LCTL: variants seen among roughly 807,000 people sequenced by gnomAD.
LCTL encodes the protein lactase-like protein.
A neutral mutation model predicts 75.8 loss-of-function variants in LCTL; 76 were observed. The ratio of observed to expected loss-of-function variants is 1.00; its 90% CI spans 0.83 to 1.21. The LOEUF is 1.21. LCTL is among the 50% of genes most tolerant of loss of function. LCTL has a pLI of 0.00. For synonymous variants in LCTL, 271 were observed against 268.8 expected, an observed-to-expected ratio of 1.01 and a Z score of -0.08; for missense variants, 670 against 712.4, an observed-to-expected ratio of 0.94 and a Z score of 0.68.
At chr15:66,550,330 C>T (rs1348035) in intron 11 of LCTL, among the ~76,000 whole-genome samples, 2 of 152,230 alleles carry the variant, frequency 1.3e-5, no homozygotes, top group East Asian at 3.9e-4. Flanking sequence ...GGAGTGTACA[C>T]TCTAGTGCTT....
At chr15:66,564,886 C>T in intron 1 of LCTL, 47 bp from the exon 3 acceptor site, 4 of 1,576,618 alleles carry the variant, frequency 2.5e-6, no homozygotes, top group Middle Eastern at 1.7e-4. Context: ...CCATGTGTCA[C>T]CCAGAGCCAG....
intron 3 of LCTL, 124 bp from the exon 5 acceptor site, chr15:66,563,749 C>T (rs1895952460): frequency 1.2e-6 from 1 of 855,868 alleles, no homozygotes; most frequent in Admixed American, 2.2e-5. Context: ...AGCCCACCAG[C>T]ATTCTGGGAG....
intron 8 of LCTL, among the ~76,000 whole-genome samples, chr15:66,555,430 A>T (rs570990252): frequency 6.6e-6 from 1 of 152,088 alleles, no homozygotes; most frequent in African/African-American, 2.4e-5. Context: ...AATCCCAGGT[A>T]CTTGGGAGGC....
chr15:66,553,198 TCCTGGA>T, exon 9 of LCTL: 1 of 1,608,174 alleles, frequency 6.2e-7, no homozygotes, highest in Non-Finnish European at 8.5e-7. Context: ...GTAGCTCTTC[TCCTGGA>T]GTGAGAACAC....
chr15:66,552,879 GTTTAT>G, intron 9 of LCTL, 100 bp downstream of exon 10: 1 of 1,042,544 alleles, frequency 9.6e-7, no homozygotes, highest in South Asian at 2.7e-5. Flanking sequence ...GAGTAACTAG[GTTTAT>G]TTTGTTTTAT....
chr15:66,564,350 G>C (rs1016558254), intron 2 of LCTL: 1 of 471,558 alleles, frequency 2.1e-6, no homozygotes, highest in East Asian at 3.9e-5. Context: ...GCAGGGACCA[G>C]GGGTTCAGGC....
At chr15:66,554,046 C>G (rs577762882) in intron 8 of LCTL, among the ~76,000 whole-genome samples, 1 of 151,844 alleles carries the variant, frequency 6.6e-6, no homozygotes, top group Non-Finnish European at 1.5e-5. Flanking sequence ...AATTCCAGCA[C>G]TTTGGGAGGC....
At chr15:66,549,473 T>G in intron 12 of LCTL, 1 of 152,164 alleles carries the variant, frequency 6.6e-6, no homozygotes, top group Non-Finnish European at 1.5e-5. Context: ...AAGATAAAAT[T>G]CAAAGAAACA....
intron 8 of LCTL, among the ~76,000 whole-genome samples, chr15:66,554,967 C>T (rs1349420768): frequency 6.6e-6 from 1 of 152,082 alleles, no homozygotes; most frequent in Non-Finnish European, 1.5e-5. Context: ...AAATTGGAAA[C>T]ATGTCCAGGT....
intron 11 of LCTL, among the ~76,000 whole-genome samples, 194 bp downstream of exon 12, chr15:66,551,468 G>A (rs923621327): frequency 1.9e-4 from 29 of 151,546 alleles, no homozygotes; most frequent in African/African-American, 7.0e-4. Flanking sequence ...CTCTGGTAGT[G>A]CCCTTAGATT....
At chr15:66,555,662 A>C (rs974212505) in intron 8 of LCTL, among the ~76,000 whole-genome samples, 1 of 152,236 alleles carries the variant, frequency 6.6e-6, no homozygotes, top group Non-Finnish European at 1.5e-5. Context: ...TAGGCAAAAG[A>C]AGCAAACATA....
At position 66,557,848 on chromosome 15, in the gene LCTL, C is replaced by T. The variant is rs923663593; in HGVS notation, c.796G>A (p.Glu266Lys). The change falls in exon 8 of 13, where the codon GAA (glutamate) becomes AAA (lysine). Residue 266 changes from glutamate to lysine, a missense_variant. Transcript: ENST00000341509. ...TTGGGGTTACTAATGTCCACAGGTTCCCCCCAGTCACAGTTCAATGAAATT... is the reference window on the plus strand; with the variant it reads ...TTGGGGTTACTAATGTCCACAGGTTTCCCCCAGTCACAGTTCAATGAAATT... 15 of 1,613,838 alleles carry T rather than the reference C, an allele frequency of 9.3e-6. No individual in the cohort carries two copies. Among genetic ancestry groups the T allele is most frequent in the Admixed American group, 5.0e-5 (3 of 59,980 alleles).
exon 1 of LCTL, chr15:66,565,347 C>T (rs1221555888): frequency 6.2e-6 from 10 of 1,611,468 alleles, no homozygotes; most frequent in Admixed American, 3.4e-5. Flanking sequence ...AGAAGGGTGG[C>T]GACCCACACT....
intron 8 of LCTL, among the ~76,000 whole-genome samples, chr15:66,553,521 T>C (rs1490356311): frequency 6.6e-6 from 1 of 152,038 alleles, no homozygotes; most frequent in East Asian, 1.9e-4. Flanking sequence ...TTTGGGAGGC[T>C]GAGGCGGGCG....
chr15:66,556,494 G>A (rs906243849), intron 8 of LCTL, among the ~76,000 whole-genome samples: 1 of 152,070 alleles, frequency 6.6e-6, no homozygotes, highest in Non-Finnish European at 1.5e-5. Context: ...TAGTAGAGAC[G>A]GGGTTTCACT....
chr15:66,553,396 A>T (rs889270039), intron 8 of LCTL, 138 bp from the exon 10 acceptor site: 5 of 668,618 alleles, frequency 7.5e-6, no homozygotes, highest in East Asian at 3.0e-5. Flanking sequence ...AACCTTAGCC[A>T]TCCAAAGTGG....
chr15:66,561,063 C>A (rs1395184652), exon 6 of LCTL: 1 of 1,614,160 alleles, frequency 6.2e-7, no homozygotes. Context: ...TCAGGCCCGG[C>A]GCATGGTGGC....
At chr15:66,557,677 A>G (rs772706973) in intron 8 of LCTL, 45 bp downstream of exon 9, 4 of 1,589,262 alleles carry the variant, frequency 2.5e-6, no homozygotes, top group South Asian at 2.2e-5. Context: ...CATGGGCTCA[A>G]TAACTTGCCC....
At chr15:66,564,899 C>A in intron 1 of LCTL, 60 bp from the exon 3 acceptor site, 1 of 1,536,998 alleles carries the variant, frequency 6.5e-7, no homozygotes, top group Non-Finnish European at 8.8e-7. Flanking sequence ...AGAGCCAGGA[C>A]TCTGGGCTGT....
Sources: gnomAD v4.1 joint callset for allele counts (sites outside exome capture counted in the v4.1 genomes callset) on GRCh38, gnomAD v4.1.1 for gene constraint, MANE v1.5 for transcripts, NCBI Gene and HGNC (gene_info 2026-07-23, HGNC 2026-07-21) for gene names.